The following TMEM132C variants were observed in gnomAD, a reference collection of about 807,000 sequenced individuals.
TMEM132C encodes transmembrane protein 132C, also known as protein phosphatase 1, regulatory subunit 152.
A neutral mutation model predicts 61.4 loss-of-function variants in TMEM132C; 29 were observed. The observed-to-expected ratio is 0.47, with a 90% CI of 0.35 to 0.64. The LOEUF (loss-of-function observed/expected upper bound fraction) is 0.64. Among genes scored for constraint, TMEM132C ranks in the 30% least tolerant of loss-of-function variants. The pLI, the probability that TMEM132C is intolerant of heterozygous loss-of-function variation, is 0.00. For synonymous variants in TMEM132C, 656 were observed against 633.1 expected, an observed-to-expected ratio of 1.04 and a Z score of -0.54; for missense variants, 1,408 against 1,476.9, an observed-to-expected ratio of 0.95 and a Z score of 0.76.
At chr12:128,343,834 T>C (rs1873059058) in intron 1 of TMEM132C, among the ~76,000 whole-genome samples, 2 of 152,224 alleles carry the variant, frequency 1.3e-5, no homozygotes, top group African/African-American at 4.8e-5. Context: ...GGACATTTCA[T>C]ATAAATGAAA....
intron 4 of TMEM132C, among the ~76,000 whole-genome samples, chr12:128,631,099 TG>T: frequency 6.6e-6 from 1 of 152,340 alleles, no homozygotes; most frequent in Admixed American, 6.5e-5. Flanking sequence ...GTTTTGGTCC[TG>T]GTCTGGGAAG....
chr12:128,423,337 T>A (rs1869057068), intron 2 of TMEM132C, among the ~76,000 whole-genome samples: 1 of 152,158 alleles, frequency 6.6e-6, no homozygotes, highest in African/African-American at 2.4e-5. Flanking sequence ...TGAGGCCCAG[T>A]CATTTTATCA....
chr12:128,402,792 C>T (rs888619731), intron 1 of TMEM132C, among the ~76,000 whole-genome samples: 7 of 152,212 alleles, frequency 4.6e-5, no homozygotes, highest in African/African-American at 1.7e-4. Flanking sequence ...CTTGTAACTT[C>T]GCCTGGTAAA....
chr12:128,449,469 G>C (rs923503973), intron 2 of TMEM132C, among the ~76,000 whole-genome samples: 1 of 152,166 alleles, frequency 6.6e-6, no homozygotes, highest in African/African-American at 2.4e-5. Context: ...GAAACAAGTA[G>C]ACCAGATAAC....
intron 2 of TMEM132C, among the ~76,000 whole-genome samples, chr12:128,429,750 G>A (rs146893719): frequency 3.6e-4 from 55 of 152,234 alleles, no homozygotes; most frequent in Admixed American, 2.2e-3. Flanking sequence ...TCAAAGATGG[G>A]GCTTACCTTG....
At chr12:128,308,052 C>A (rs1740469501) in intron 1 of TMEM132C, among the ~76,000 whole-genome samples, 1 of 152,176 alleles carries the variant, frequency 6.6e-6, no homozygotes, top group African/African-American at 2.4e-5. Context: ...AATGTCTGTC[C>A]TTGGACTTTA....
intron 2 of TMEM132C, among the ~76,000 whole-genome samples, chr12:128,493,978 C>T (rs1166967538): frequency 2.6e-5 from 4 of 152,106 alleles, no homozygotes; most frequent in African/African-American, 9.7e-5. Context: ...ATGATATTGG[C>T]TGTGGGTTTG....
chr12:128,703,309 C>T (rs1954815845), intron 8 of TMEM132C, among the ~76,000 whole-genome samples: 1 of 139,624 alleles, frequency 7.2e-6, no homozygotes, highest in Non-Finnish European at 1.6e-5. Flanking sequence ...ACCCTCCACC[C>T]TCCAATAGGC....
Position 128,620,642 on chromosome 12 carries a change from G to A in TMEM132C, c.1305+4307G>A, listed in dbSNP as rs144306164. Among the ~76,000 whole-genome samples, 462 of 152,240 alleles carry A rather than the reference G, an allele frequency of 3.0e-3. 3 individuals are homozygous for A. Among genetic ancestry groups the A allele is most frequent in the African/African-American group, 0.01 (431 of 41,538 alleles). ...TGTAGGAAGAAGTTCTTTGCCCCCG[G>A]GACTGATATATTTAGTCTGAAATTA... is the stretch of plus-strand genomic sequence containing the variant. On this transcript the variant is annotated intron_variant, in intron 4 of 8. Coordinates refer to ENST00000435159, the MANE Select transcript of TMEM132C (RefSeq NM_001136103.3).
At chr12:128,371,769 G>A (rs1211885674) in intron 1 of TMEM132C, among the ~76,000 whole-genome samples, 1 of 152,064 alleles carries the variant, frequency 6.6e-6, no homozygotes, top group African/African-American at 2.4e-5. Context: ...TATAGAGACA[G>A]GGTCTTGCTG....
chr12:128,423,148 A>G (rs1869049928), intron 2 of TMEM132C, among the ~76,000 whole-genome samples: 1 of 152,236 alleles, frequency 6.6e-6, no homozygotes, highest in Non-Finnish European at 1.5e-5. Context: ...ACAGAACGAA[A>G]GAGAGACTAG....
intron 3 of TMEM132C, among the ~76,000 whole-genome samples, chr12:128,598,918 A>G (rs1023849979): frequency 2.0e-5 from 3 of 151,866 alleles, no homozygotes; most frequent in Admixed American, 6.5e-5. Flanking sequence ...GTTTCAATCC[A>G]TTTCCTGCCC....
chr12:128,414,747 G>A lies in TMEM132C; in HGVS notation c.101G>A (p.Gly34Glu), dbSNP rs1456437648. The A allele has an allele frequency of 6.5e-7, 1 of 1,527,438 alleles. No individual in the cohort carries two copies. Among genetic ancestry groups the A allele is most frequent in the South Asian group, 1.2e-5 (1 of 82,956 alleles). 94.6% of individuals were successfully genotyped at this position (1,527,438 alleles called of 1,614,324 possible). A position where few individuals can be genotyped will look rare whatever the true frequency, so the allele number is the denominator to read the frequency against. The change falls in exon 2 of 9, where the codon GGG (glycine) becomes GAG (glutamate). Residue 34 changes from glycine (G) to glutamate (E), a missense_variant. Transcript: ENST00000435159. Reference protein sequence around the residue: ...ALLGKVIEGHGVTDNIQRFSS... With the variant: ...ALLGKVIEGHEVTDNIQRFSS... ...CCCTTTTTAGTGATAGAGGGTCACG[G>A]GGTCACAGACAACATACAGAGATTC...
intron 5 of TMEM132C, among the ~76,000 whole-genome samples, chr12:128,676,385 AT>A (rs1350557484): frequency 6.6e-6 from 1 of 151,988 alleles, no homozygotes; most frequent in Non-Finnish European, 1.5e-5. Flanking sequence ...TGTTTCATTT[AT>A]TTTTGTAGGC....
At chr12:128,363,310 C>G (rs1329184843) in intron 1 of TMEM132C, among the ~76,000 whole-genome samples, 1 of 152,232 alleles carries the variant, frequency 6.6e-6, no homozygotes, top group East Asian at 1.9e-4. Flanking sequence ...CTGCCCACTC[C>G]ACTTCAACGA....
At chr12:128,594,362 C>T (rs952246228) in intron 3 of TMEM132C, among the ~76,000 whole-genome samples, 32 of 148,288 alleles carry the variant, frequency 2.2e-4, no homozygotes, top group African/African-American at 7.4e-4. Flanking sequence ...CCATCCCCTG[C>T]CCCCCAACCC....
At chr12:128,331,510 AT>A (rs1271964998) in intron 1 of TMEM132C, among the ~76,000 whole-genome samples, 1 of 152,178 alleles carries the variant, frequency 6.6e-6, no homozygotes, top group Non-Finnish European at 1.5e-5. Flanking sequence ...TGAGTAGAAG[AT>A]GTGATATTTG....
chr12:128,485,000 G>A (rs546106819), intron 2 of TMEM132C, among the ~76,000 whole-genome samples: 3 of 152,094 alleles, frequency 2.0e-5, no homozygotes, highest in African/African-American at 7.2e-5. Flanking sequence ...AGGAAGGAGC[G>A]AAGGAAGGAA....
At chr12:128,457,845 T>C (rs192951707) in intron 2 of TMEM132C, among the ~76,000 whole-genome samples, 1 of 152,110 alleles carries the variant, frequency 6.6e-6, no homozygotes, top group Non-Finnish European at 1.5e-5. Context: ...GATGAGAGAA[T>C]CCAGCCATTG....
Sources: gnomAD v4.1 joint callset for allele counts (sites outside exome capture counted in the v4.1 genomes callset) on GRCh38, gnomAD v4.1.1 for gene constraint, MANE v1.5 for transcripts, NCBI Gene and HGNC (gene_info 2026-07-23, HGNC 2026-07-21) for gene names.